Variants in RINT1 observed in about 807,000 individuals in gnomAD.
RINT1 encodes RAD50-interacting protein 1.
Under a neutral mutation model 97.7 loss-of-function variants are expected in RINT1, and 75 were observed. That is an observed-to-expected ratio of 0.77 (90% confidence interval 0.64 to 0.93). RINT1 has a LOEUF of 0.93. Among genes scored for constraint, RINT1 ranks in the 40% least tolerant of loss-of-function variants. The pLI, the probability that RINT1 is intolerant of heterozygous loss-of-function variation, is 0.00. For missense variants in RINT1, 892 were observed against 925.2 expected (o/e 0.96, Z 0.47); for synonymous variants, 303 against 326.3 (o/e 0.93, Z 0.77).
chr7:105,548,756 G>A (rs1298948003), intron 7 of RINT1, 46 bp downstream of exon 7: 3 of 1,540,270 alleles, frequency 1.9e-6, no homozygotes, highest in Non-Finnish European at 2.6e-6. Flanking sequence ...GGTAACAAAT[G>A]TTAGAGTTTC....
At chr7:105,549,575 C>T (rs577924536) in intron 7 of RINT1, among the ~76,000 whole-genome samples, 1 of 152,068 alleles carries the variant, frequency 6.6e-6, no homozygotes, top group South Asian at 2.1e-4. Context: ...TCTTGAACTT[C>T]TGACCTCAGC....
intron 10 of RINT1, 129 bp from the exon 11 acceptor site, chr7:105,554,899 T>C (rs1028385914): frequency 2.9e-6 from 2 of 689,058 alleles, no homozygotes; most frequent in African/African-American, 3.6e-5. Flanking sequence ...AGCTCAGAAA[T>C]AAATCCATTC....
intron 3 of RINT1, among the ~76,000 whole-genome samples, chr7:105,538,702 G>GA (rs145584591): frequency 0.015 from 2,328 of 152,138 alleles, 26 homozygotes; most frequent in Middle Eastern, 0.027. Flanking sequence ...TTCCCTAGCA[G>GA]AAAAAAATAG....
chr7:105,559,053 A>AGTT (rs1375935351), intron 11 of RINT1, among the ~76,000 whole-genome samples: 3 of 152,130 alleles, frequency 2.0e-5, no homozygotes, highest in Non-Finnish European at 4.4e-5. Context: ...TAAATTTCAG[A>AGTT]GTTGATTGTT....
At chr7:105,533,115 G>A (rs1455845571) in intron 2 of RINT1, among the ~76,000 whole-genome samples, 1 of 152,126 alleles carries the variant, frequency 6.6e-6, no homozygotes, top group Non-Finnish European at 1.5e-5. Context: ...GAGTGTTTTC[G>A]CTGGAAGTCT....
chr7:105,556,144 G>A (rs2133430028), intron 11 of RINT1, among the ~76,000 whole-genome samples: 1 of 150,386 alleles, frequency 6.6e-6, no homozygotes. Context: ...TCGGCTCACT[G>A]CAACCTCTGT....
chr7:105,548,480 T>C (rs373608399), intron 6 of RINT1, 74 bp from the exon 7 acceptor site: 11 of 1,389,968 alleles, frequency 7.9e-6, no homozygotes, highest in Non-Finnish European at 1.1e-5. Context: ...AAATTTATTG[T>C]GTGTGTATAC....
chr7:105,532,439 G>A (rs1266426851), intron 1 of RINT1, 82 bp downstream of exon 1: 27 of 1,456,384 alleles, frequency 1.9e-5, no homozygotes, highest in Non-Finnish European at 2.4e-5. Context: ...GATAGTCCCG[G>A]TGCGGTGGCC....
chr7:105,559,748 T>G (rs533417193), intron 11 of RINT1, among the ~76,000 whole-genome samples: 2 of 152,208 alleles, frequency 1.3e-5, no homozygotes. Flanking sequence ...AACTATATAG[T>G]GCAAGTTCTG....
intron 8 of RINT1, 22 bp from the exon 9 acceptor site, chr7:105,550,239 T>C: frequency 6.2e-7 from 1 of 1,610,500 alleles, no homozygotes; most frequent in South Asian, 1.1e-5. Context: ...TTTACATACC[T>C]CATGTTTGTG....
At chr7:105,536,455 G>A in intron 2 of RINT1, 110 bp from the exon 3 acceptor site, 1 of 776,396 alleles carries the variant, frequency 1.3e-6, no homozygotes, top group Non-Finnish European at 2.0e-6. Flanking sequence ...CACCGTGCCT[G>A]GCAAAATTAT....
In RINT1 at chr7:105,551,794, A is replaced by C; in HGVS notation, c.1471+87A>C. 2.6e-6 allele frequency: 3 copies of C among 1,136,628 alleles called. No homozygotes were observed. In the South Asian group the frequency reaches 4.9e-5, roughly 19 times the overall value. 70.4% of individuals were successfully genotyped at this position (1,136,628 alleles called of 1,614,324 possible). On this transcript the variant is annotated intron_variant, in intron 10 of 14. Coordinates refer to ENST00000257700, the MANE Select transcript of RINT1 (RefSeq NM_021930.6). ...TAAAGTAGCTCAGTAGGCTGGGTGC[A>C]GTGGCTCATGCCTGTAATCCTAGCA...
In RINT1 at chr7:105,567,155, C is replaced by A; in HGVS notation, c.2223C>A (p.Val741=). Residue 741 remains valine (V), a synonymous_variant, in exon 15 of 15, where the codon GTC becomes GTA. Transcript: ENST00000257700. ...KEACIVLNLN[V]GSALLLKDVL... is the part of the protein sequence containing the mutation. The stretch of plus-strand genomic sequence containing the variant: ...CCTGTATTGTTTTGAATTTGAACGT[C>A]GGTTCTGCACTACTGCTGAAAGATG... 1.3e-6 allele frequency: 2 copies of A among 1,585,046 alleles called. No homozygotes were observed. The highest frequency in any genetic ancestry group is 1.2e-5 in the South Asian group (1 of 85,312).
intron 4 of RINT1, among the ~76,000 whole-genome samples, 185 bp from the exon 5 acceptor site, chr7:105,546,725 A>G (rs1483253534): frequency 6.6e-6 from 1 of 151,996 alleles, no homozygotes; most frequent in Non-Finnish European, 1.5e-5. Context: ...AATACAAAAA[A>G]TTTAGCCAGG....
At chr7:105,560,505 T>C (rs967031910) in intron 11 of RINT1, among the ~76,000 whole-genome samples, 3 of 151,980 alleles carry the variant, frequency 2.0e-5, no homozygotes, top group Non-Finnish European at 1.5e-5. Flanking sequence ...AGAGAGATGA[T>C]TTAGGTTCAT....
chr7:105,554,758 T>G (rs1029667598), intron 10 of RINT1, among the ~76,000 whole-genome samples: 4 of 152,216 alleles, frequency 2.6e-5, no homozygotes, highest in Non-Finnish European at 5.9e-5. Flanking sequence ...CATTTTTATG[T>G]ATAATTTTTT....
chr7:105,552,417 G>C (rs886359947), intron 10 of RINT1, among the ~76,000 whole-genome samples: 1 of 152,132 alleles, frequency 6.6e-6, no homozygotes, highest in African/African-American at 2.4e-5. Context: ...GATTGGAGTA[G>C]TAATAGGAAC....
Position 105,536,755 on chromosome 7 carries a change from T to C in RINT1, c.273+6T>C, listed in dbSNP as rs1449691798. Reference sequence around the variant, plus strand: ...AAATGCAGTTAGAAGAACAGGTAAGTATTGAAACTCACTGAAATAATTATC... The same window carrying C: ...AAATGCAGTTAGAAGAACAGGTAAGCATTGAAACTCACTGAAATAATTATC... On this transcript the variant is annotated splice_donor_region_variant and intron_variant, in intron 3 of 14. Coordinates refer to ENST00000257700, the MANE Select transcript of RINT1 (RefSeq NM_021930.6). The C allele has an allele frequency of 1.9e-5, 29 of 1,537,214 alleles. No homozygotes were observed. Among genetic ancestry groups the C allele is most frequent in the Non-Finnish European group, 2.6e-5 (29 of 1,136,276 alleles).
At chr7:105,552,589 A>G (rs930372446) in intron 10 of RINT1, among the ~76,000 whole-genome samples, 5 of 150,524 alleles carry the variant, frequency 3.3e-5, no homozygotes, top group African/African-American at 1.2e-4. Context: ...ACCTTCGTCA[A>G]CCACTAGCCT....
Sources: allele counts gnomAD v4.1 joint callset (sites outside exome capture counted in the v4.1 genomes callset), GRCh38; gene constraint gnomAD v4.1.1; transcripts MANE v1.5; gene names NCBI Gene and HGNC (gene_info 2026-07-23, HGNC 2026-07-21).